MGAT1: variants seen among roughly 807,000 people sequenced by gnomAD.
MGAT1 encodes alpha-1,3-mannosyl-glycoprotein 2-beta-N-acetylglucosaminyltransferase, also known as N-glycosyl-oligosaccharide-glycoprotein N-acetylglucosaminyltransferase I.
In MGAT1, 14 loss-of-function variants were observed where a neutral mutation model predicts 31.7. The observed-to-expected ratio is 0.44, with a 90% CI of 0.29 to 0.69. The LOEUF (loss-of-function observed/expected upper bound fraction) is 0.69, where lower values mean the gene tolerates loss of function less well. Ranked by LOEUF, MGAT1 falls within the 30% of genes least tolerant of loss-of-function variation. MGAT1 has a pLI of 0.12. For missense variants in MGAT1, 557 were observed against 626.0 expected, an observed-to-expected ratio of 0.89 and a Z score of 1.18; for synonymous variants, 338 against 276.0, an observed-to-expected ratio of 1.22 and a Z score of -2.23.
chr5:180,796,279 T>C (rs1769352290), intron 1 of MGAT1, among the ~76,000 whole-genome samples: 1 of 152,124 alleles, frequency 6.6e-6, no homozygotes, highest in Non-Finnish European at 1.5e-5. Flanking sequence ...CTGCCAGCAT[T>C]CACCACCAAC....
Position 180,792,874 on chromosome 5 carries a change from G to C in MGAT1, c.98C>G (p.Ala33Gly), listed in dbSNP as rs757834418. The C allele has an allele frequency of 6.3e-7, 1 of 1,588,186 alleles. No individual in the cohort carries two copies. The highest frequency in any genetic ancestry group is 8.6e-7 in the Non-Finnish European group (1 of 1,168,036). The change falls in exon 2 of 2, where the codon GCA (alanine) becomes GGA (glycine). Residue 33 changes from alanine to glycine, a missense_variant. By Grantham distance (60) the Ala-to-Gly change is moderately conservative. Transcript: ENST00000307826. ...GCTGACTGAGGGTGGCCTGCCAGGTGCTGGGCGCGTCCAGAAGAAGAGGAG... is the reference window on the plus strand; with the variant it reads ...GCTGACTGAGGGTGGCCTGCCAGGTCCTGGGCGCGTCCAGAAGAAGAGGAG... Reference protein sequence around the residue: ...LLLLFFWTRPAPGRPPSVSAL... With the variant: ...LLLLFFWTRPGPGRPPSVSAL...
At chr5:180,794,636 A>T (rs1385674606) in intron 1 of MGAT1, among the ~76,000 whole-genome samples, 1 of 152,126 alleles carries the variant, frequency 6.6e-6, no homozygotes, top group Non-Finnish European at 1.5e-5. Flanking sequence ...CTATAGCTTG[A>T]ATATGGTTTG....
At chr5:180,793,571 ATT>A (rs1768696678) in intron 1 of MGAT1, among the ~76,000 whole-genome samples, 1 of 152,206 alleles carries the variant, frequency 6.6e-6, no homozygotes, top group South Asian at 2.1e-4. Context: ...GTTATTTAAC[ATT>A]TTGCTGGAGG....
chr5:180,791,303 C>T lies in MGAT1; in HGVS notation c.*331G>A, dbSNP rs143514079. On this transcript the variant is annotated 3_prime_UTR_variant, in exon 2 of 2. Coordinates refer to ENST00000307826, the MANE Select transcript of MGAT1 (RefSeq NM_002406.4). ...GGGAGAAGGGGTCTGGTCAAGAGAG[C>T]GAACGTTGCCAAACTCTCTGCACAT... The T allele has an allele frequency of 3.0e-4, 111 of 375,504 alleles. No individual in the cohort carries two copies. Among genetic ancestry groups the T allele is most frequent in the African/African-American group, 1.7e-3 (82 of 48,860 alleles). 23.3% of individuals were successfully genotyped at this position (375,504 alleles called of 1,614,324 possible). A position where few individuals can be genotyped will look rare whatever the true frequency, so the allele number is the denominator to read the frequency against.
At chr5:180,794,859 C>T (rs1410553270) in intron 1 of MGAT1, among the ~76,000 whole-genome samples, 1 of 152,052 alleles carries the variant, frequency 6.6e-6, no homozygotes, top group Non-Finnish European at 1.5e-5. Flanking sequence ...CAGCCATGTC[C>T]CTACAAAAAC....
intron 1 of MGAT1, among the ~76,000 whole-genome samples, chr5:180,812,097 C>T (rs538194147): frequency 6.6e-6 from 1 of 152,228 alleles, no homozygotes; most frequent in African/African-American, 2.4e-5. Context: ...TATTGTCTGT[C>T]TCCCACTACT....
At chr5:180,806,297 C>A (rs891079539), upstream of MGAT1, among the ~76,000 whole-genome samples, 5 of 152,074 alleles carry the variant, frequency 3.3e-5, no homozygotes, top group Admixed American at 1.3e-4. Context: ...AAAAAAAATG[C>A]ACACACAGTC....
chr5:180,792,656 T>C lies in MGAT1; in HGVS notation c.316A>G (p.Ile106Val). The C allele has an allele frequency of 1.3e-6, 2 of 1,582,822 alleles. No homozygotes were observed. Among genetic ancestry groups the C allele is most frequent in the Non-Finnish European group, 1.7e-6 (2 of 1,163,042 alleles). ...TCACAGGCGATGACCAGGATGGGAA[T>C]CACCGCCGGCGCGGGGGTCACAGGC... is the stretch of plus-strand genomic sequence containing the variant. Reference protein sequence around the residue: ...RVPVTPAPAVIPILVIACDRS... With the variant: ...RVPVTPAPAVVPILVIACDRS... Residue 106 changes from isoleucine to valine, a missense_variant, in exon 2 of 2, where the codon ATT becomes GTT. Ile to Val is a conservative substitution (Grantham distance 29). This residue lies in a region of MGAT1 where 167 missense variants were observed against 149.8 expected (regional missense o/e 1.11). Transcript: ENST00000307826.
intron 1 of MGAT1, among the ~76,000 whole-genome samples, chr5:180,797,852 G>GTTGCCATAAGAGGACATGACACC (rs1769834558): frequency 8.5e-6 from 1 of 117,942 alleles, no homozygotes; most frequent in Non-Finnish European, 1.9e-5. Context: ...CTTAGGCTCA[G>GTTGCCATAAGAGGACATGACACC]CCTGGGCCCC....
At chr5:180,795,861 GCT>G (rs1769255702) in intron 1 of MGAT1, 2 of 128,930 alleles carry the variant, frequency 1.6e-5, no homozygotes, top group Admixed American at 7.5e-5. Context: ...TCACACACCT[GCT>G]CTCTGCCAGG....
chr5:180,804,313 C>A (rs937976614), upstream of MGAT1, among the ~76,000 whole-genome samples: 3 of 115,338 alleles, frequency 2.6e-5, no homozygotes, highest in African/African-American at 6.7e-5. Flanking sequence ...CTCCTGTGCG[C>A]CCCCCAACAC....
At chr5:180,814,474 C>T (rs1165919742) in intron 1 of MGAT1, among the ~76,000 whole-genome samples, 1 of 152,232 alleles carries the variant, frequency 6.6e-6, no homozygotes, top group Non-Finnish European at 1.5e-5. Context: ...TCCCTTTTCT[C>T]TCTTTACCCA....
chr5:180,791,772 A>T lies in MGAT1; in HGVS notation c.1200T>A (p.Ala400=). The T allele has an allele frequency of 6.2e-7, 1 of 1,614,048 alleles. No homozygotes were observed. Among genetic ancestry groups the T allele is most frequent in the Admixed American group, 1.7e-5 (1 of 60,020 alleles). Residue 400 remains alanine (A), a synonymous_variant, in exon 2 of 2, where the codon GCT becomes GCA. Coordinates refer to ENST00000307826, the MANE Select transcript of MGAT1 (RefSeq NM_002406.4). ...GRDSFKAFAK[A]LGVMDDLKSG... is the part of the protein sequence containing the mutation. Reference sequence around the variant, plus strand: ...ACTTAAGGTCATCCATGACACCCAGAGCCTTGGCGAAAGCCTTGAAGCTGT... The same window carrying T: ...ACTTAAGGTCATCCATGACACCCAGTGCCTTGGCGAAAGCCTTGAAGCTGT...
At chr5:180,797,406 C>CAAAA (rs929442972) in intron 1 of MGAT1, among the ~76,000 whole-genome samples, 9 of 52,292 alleles carry the variant, frequency 1.7e-4, no homozygotes, top group East Asian at 6.4e-4. Context: ...CATCCCCCAC[C>CAAAA]AAAAAAAAAA....
At chr5:180,811,423 G>A (rs1442833777) in intron 1 of MGAT1, 2 of 152,164 alleles carry the variant, frequency 1.3e-5, no homozygotes, top group Non-Finnish European at 2.9e-5. Context: ...AAGAAAATAA[G>A]ACCCTTTCTT....
rs1187322889 is a variant in MGAT1 at position 180,797,438 on chromosome 5, GGGCC to G, written c.-126-4345_-126-4342del. 1.2e-3 allele frequency among the ~76,000 whole-genome samples: 165 copies of G among 134,208 alleles called. 2 individuals carry two copies. Among genetic ancestry groups the G allele is most frequent in the African/African-American group, 4.0e-3 (150 of 37,862 alleles). The allele number at this position is 134,208 out of a possible 152,430, so 88.0% of individuals were successfully genotyped here. On this transcript the variant is annotated intron_variant, in intron 1 of 1. Coordinates refer to ENST00000307826, the MANE Select transcript of MGAT1 (RefSeq NM_002406.4). The stretch of plus-strand genomic sequence containing the variant: ...AAAAAAAAAAAAAAAAAGGGGGGGG[GGGCC>G]CAGAGGGATAGCCCGTCCCTGACTC...
intron 1 of MGAT1, among the ~76,000 whole-genome samples, chr5:180,812,984 T>C (rs1286247432): frequency 6.6e-6 from 1 of 152,206 alleles, no homozygotes; most frequent in Non-Finnish European, 1.5e-5. Flanking sequence ...TGGCATACTA[T>C]TATACAAATG....
rs776345755 is a variant in MGAT1, at chr5:180,790,010, T to A, written c.*1624A>T. On this transcript the variant is annotated 3_prime_UTR_variant, in exon 2 of 2. Transcript: ENST00000307826. Reference sequence around the variant, plus strand: ...CGTGATATGCAGAGGTAACAGTCTGTCTGTGTTCTGGGTATTAGCAAAACA... The same window carrying A: ...CGTGATATGCAGAGGTAACAGTCTGACTGTGTTCTGGGTATTAGCAAAACA... The A allele has an allele frequency of 4.6e-5, 7 of 152,166 alleles. No individual in the cohort carries two copies. Among genetic ancestry groups the A allele is most frequent in the Non-Finnish European group, 8.8e-5 (6 of 68,030 alleles). 9.4% of individuals were successfully genotyped at this position (152,166 alleles called of 1,614,324 possible).
Position 180,792,638 on chromosome 5 carries a change from C to T in MGAT1, c.334G>A (p.Ala112Thr). 1.9e-6 allele frequency: 3 copies of T among 1,591,576 alleles called. No individual in the cohort carries two copies. Among genetic ancestry groups the T allele is most frequent in the Admixed American group, 1.7e-5 (1 of 58,730 alleles). ...CGCCGAACAGTGCTGCGGTCACAGG[C>T]GATGACCAGGATGGGAATCACCGCC... is the stretch of plus-strand genomic sequence containing the variant. ...APAVIPILVI[A>T]CDRSTVRRCL... Residue 112 changes from alanine to threonine, a missense_variant, in exon 2 of 2, where the codon GCC (alanine) becomes ACC (threonine). Ala to Thr is a moderately conservative substitution (Grantham distance 58). This residue lies in a region of MGAT1 where 245 missense variants were observed against 332.9 expected (regional missense o/e 0.74). Transcript: ENST00000307826.
Sources: gnomAD v4.1 joint callset for allele counts (sites outside exome capture counted in the v4.1 genomes callset) on GRCh38, gnomAD v4.1.1 for gene constraint, gnomAD v4.1.1 regional missense constraint, MANE v1.5 for transcripts, NCBI Gene and HGNC (gene_info 2026-07-23, HGNC 2026-07-21) for gene names.